IFT27: variants seen among roughly 807,000 people sequenced by gnomAD.
The protein encoded by IFT27 is intraflagellar transport protein 27 homolog.
Under a neutral mutation model 23.9 loss-of-function variants are expected in IFT27, and 19 were observed. The observed-to-expected ratio is 0.79, with a 90% confidence interval of 0.55 to 1.16. The LOEUF (loss-of-function observed/expected upper bound fraction) is 1.16, where lower values mean the gene tolerates loss of function less well. Ranked by LOEUF, IFT27 falls within the 50% of genes most tolerant of loss-of-function variation. The pLI, the probability that IFT27 is intolerant of heterozygous loss-of-function variation, is 0.00. For synonymous variants in IFT27, 91 were observed against 89.1 expected (o/e 1.02, Z -0.12); for missense variants, 206 against 228.7 (o/e 0.90, Z 0.64).
intron 3 of IFT27, 171 bp from the exon 4 acceptor site, chr22:36,766,368 G>T: frequency 3.2e-6 from 2 of 625,686 alleles, no homozygotes; most frequent in South Asian, 1.8e-5. Context: ...GAAGGGGAAA[G>T]GAGCGAACTC....
rs759805020 is a variant in IFT27 at position 36,767,828 on chromosome 22, C to A, written c.69G>T (p.Gln23His). The change falls in exon 2 of 7, where the codon CAG becomes CAT. Residue 23 changes from glutamine to histidine, a missense_variant. Coordinates refer to ENST00000433985, the MANE Select transcript of IFT27 (RefSeq NM_001177701.3). ...AATGGGCTCCATCACTGCGGAAGAT[C>A]TGTGCCAGGGCGGTCTTGCCCACTG... ...DPAVGKTALAQIFRSDGAHFQ... is the reference protein window; with the variant it reads ...DPAVGKTALAHIFRSDGAHFQ... 2.5e-6 allele frequency: 4 copies of A among 1,614,232 alleles called. No homozygotes were observed. The highest frequency in any genetic ancestry group is 2.5e-6 in the Non-Finnish European group (3 of 1,180,042).
chr22:36,774,356 G>A (rs1289926306), intron 1 of IFT27, among the ~76,000 whole-genome samples: 1 of 152,172 alleles, frequency 6.6e-6, no homozygotes, highest in African/African-American at 2.4e-5. Flanking sequence ...CTTCTTTCCT[G>A]AGCTGGCCAG....
At chr22:36,774,177 AT>A (rs1219488201) in intron 1 of IFT27, among the ~76,000 whole-genome samples, 6 of 152,286 alleles carry the variant, frequency 3.9e-5, no homozygotes, top group Admixed American at 2.0e-4. Context: ...AGAACCATTA[AT>A]TTATTTTGCT....
intron 1 of IFT27, among the ~76,000 whole-genome samples, chr22:36,769,016 A>G (rs1170708223): frequency 1.3e-5 from 2 of 152,154 alleles, no homozygotes; most frequent in Admixed American, 6.5e-5. Flanking sequence ...GCCACTGTTC[A>G]CTTTTCAGTT....
chr22:36,758,812 C>A (rs1052086108), intron 6 of IFT27: 8 of 192,816 alleles, frequency 4.1e-5, no homozygotes, highest in Non-Finnish European at 8.7e-5. Flanking sequence ...CGAAGAAGAG[C>A]TAGACAGCAT....
chr22:36,774,891 G>A (rs1430624275), intron 1 of IFT27, among the ~76,000 whole-genome samples: 1 of 152,184 alleles, frequency 6.6e-6, no homozygotes, highest in African/African-American at 2.4e-5. Context: ...AAATATGTGT[G>A]CTTCACATGC....
At chr22:36,765,789 G>A (rs1042553628) in intron 4 of IFT27, among the ~76,000 whole-genome samples, 1 of 152,214 alleles carries the variant, frequency 6.6e-6, no homozygotes, top group Admixed American at 6.5e-5. Context: ...AGAGGGGGAG[G>A]AGGCAGTCTG....
rs909113128 is a variant in IFT27, at chr22:36,763,150, C to T, written c.353-137G>A. 9.2e-6 allele frequency: 5 copies of T among 540,704 alleles called. No homozygotes were observed. The Admixed American group carries it at 1.1e-4, about 12-fold the overall frequency. The allele number at this position is 540,704 out of a possible 1,614,324, so 33.5% of individuals were successfully genotyped here. On this transcript the variant is annotated intron_variant, in intron 5 of 6. Coordinates refer to ENST00000433985, the MANE Select transcript of IFT27 (RefSeq NM_001177701.3). ...CCTGACTCGAGGTGGTGAGCCCCCCCACAGGGAAAGCCGGGGGTCTCTCGT... is the reference window on the plus strand; with the variant it reads ...CCTGACTCGAGGTGGTGAGCCCCCCTACAGGGAAAGCCGGGGGTCTCTCGT...
intron 6 of IFT27, chr22:36,758,650 G>A (rs1937997788): frequency 1.9e-6 from 1 of 533,666 alleles, no homozygotes; most frequent in Admixed American, 3.2e-5. Flanking sequence ...GGTGGAGCTG[G>A]GGCCTGAACC....
chr22:36,772,782 A>G (rs931066889), intron 1 of IFT27: 5 of 985,282 alleles, frequency 5.1e-6, no homozygotes, highest in Non-Finnish European at 6.0e-6. Flanking sequence ...GTTATGTGAG[A>G]GAAAAAACAG....
chr22:36,762,647 G>A (rs1041432644), intron 6 of IFT27: 11 of 346,020 alleles, frequency 3.2e-5, no homozygotes, highest in African/African-American at 1.9e-4. Flanking sequence ...CATGATCACC[G>A]CACACAAAGC....
chr22:36,761,408 G>A (rs1019809618), intron 6 of IFT27: 1 of 152,114 alleles, frequency 6.6e-6, no homozygotes, highest in African/African-American at 2.4e-5. Flanking sequence ...AGCTGATTTG[G>A]GCTTCATTAA....
At chr22:36,763,888 G>T (rs549487705) in intron 5 of IFT27, 31 bp downstream of exon 5, 5 of 1,456,070 alleles carry the variant, frequency 3.4e-6, no homozygotes, top group Admixed American at 3.3e-5. Flanking sequence ...CAGAGATGCC[G>T]CTGGGAAACA....
intron 1 of IFT27, chr22:36,768,263 G>C: frequency 2.8e-6 from 1 of 362,946 alleles, no homozygotes; most frequent in Non-Finnish European, 5.5e-6. Context: ...CTGACAGGCA[G>C]AGTCACCTGT....
rs756749200 is a variant in IFT27, at chr22:36,775,731, G to A, written c.-24C>T. Reference sequence around the variant, plus strand: ...ATGGTAACCAACACTCCCGCGAGCCGTACCCAGAGGACAAGAGCGGCTGCT... The same window carrying A: ...ATGGTAACCAACACTCCCGCGAGCCATACCCAGAGGACAAGAGCGGCTGCT... On this transcript the variant is annotated 5_prime_UTR_variant, in exon 1 of 7. It adds an upstream start codon to the 5' untranslated region. Coordinates refer to ENST00000433985, the MANE Select transcript of IFT27 (RefSeq NM_001177701.3). The A allele has an allele frequency of 6.2e-7, 1 of 1,613,916 alleles. No homozygotes were observed. The highest frequency in any genetic ancestry group is 1.1e-5 in the South Asian group (1 of 91,080).
At chr22:36,758,491 G>A (rs2145910464) in intron 6 of IFT27, 82 bp from the exon 7 acceptor site, 7 of 1,031,022 alleles carry the variant, frequency 6.8e-6, no homozygotes, top group South Asian at 3.8e-5. Flanking sequence ...TCCCTCATTC[G>A]GGGGCTACCT....
rs1938146177 is a variant in IFT27 at position 36,763,248 on chromosome 22, A to T, written c.353-235T>A. The T allele has an allele frequency of 9.4e-6, 4 of 425,914 alleles. No individual in the cohort carries two copies. In the Admixed American group the frequency reaches 1.2e-4, roughly 13 times the overall value. The allele number at this position is 425,914 out of a possible 1,614,324, so 26.4% of individuals were successfully genotyped here. ...CACAACTTCTGCTAGGTCTTTTTCT[A>T]GACCTCACGTGTATCTGTCTCCCTT... On this transcript the variant is annotated intron_variant, in intron 5 of 6. Transcript: ENST00000433985.
Position 36,767,289 on chromosome 22 carries a change from G to A in IFT27, c.174+17C>T, listed in dbSNP as rs371108378. 1.6e-4 allele frequency: 255 copies of A among 1,610,934 alleles called. No homozygotes were observed. Among genetic ancestry groups the A allele is most frequent in the Non-Finnish European group, 2.0e-4 (234 of 1,177,412 alleles). ...CTGGGGGAGCCCTGAGTTCCCCTGG[G>A]TAAAGGCATCACTCACCACACTGTC... On this transcript the variant is annotated intron_variant, in intron 3 of 6. Transcript: ENST00000433985.
At chr22:36,760,491 A>C (rs1476830417) in intron 6 of IFT27, 2 of 152,232 alleles carry the variant, frequency 1.3e-5, no homozygotes, top group Non-Finnish European at 2.9e-5. Context: ...CAGTCAGGAC[A>C]GCTGTGGAGT....
Sources: allele counts gnomAD v4.1 joint callset (sites outside exome capture counted in the v4.1 genomes callset), GRCh38; gene constraint gnomAD v4.1.1; transcripts MANE v1.5; gene names NCBI Gene and HGNC (gene_info 2026-07-23, HGNC 2026-07-21).